GSK3B: variants seen among roughly 807,000 people sequenced by gnomAD.
The protein encoded by GSK3B is glycogen synthase kinase 3 beta.
Under a neutral mutation model 56.4 loss-of-function variants are expected in GSK3B, and 15 were observed. The observed-to-expected ratio is 0.27, with a 90% CI of 0.18 to 0.41. The LOEUF is 0.41. Ranked by LOEUF, GSK3B falls within the 10% of genes least tolerant of loss-of-function variation. The pLI is 1.00. For missense variants in GSK3B, 300 were observed against 513.4 expected (o/e 0.58, Z 4.02); for synonymous variants, 181 against 188.9 (o/e 0.96, Z 0.34).
chr3:119,948,892 G>C (rs1014537349), intron 2 of GSK3B, among the ~76,000 whole-genome samples: 1 of 152,086 alleles, frequency 6.6e-6, no homozygotes, highest in African/African-American at 2.4e-5. Flanking sequence ...AGTAGAGACA[G>C]GGTTTCACCA....
At chr3:120,031,439 C>G (rs550593304) in intron 1 of GSK3B, among the ~76,000 whole-genome samples, 47 of 151,824 alleles carry the variant, frequency 3.1e-4, no homozygotes, top group Non-Finnish European at 4.4e-4. Flanking sequence ...TGGAAAGGCC[C>G]GTGAAAGGCG....
chr3:120,090,646 T>G (rs1335256068), intron 1 of GSK3B, among the ~76,000 whole-genome samples: 3 of 152,122 alleles, frequency 2.0e-5, no homozygotes, highest in Non-Finnish European at 4.4e-5. Flanking sequence ...CACCCCACTT[T>G]CACATTTTAC....
intron 10 of GSK3B, 92 bp downstream of exon 10, chr3:119,843,163 C>T (rs560068213): frequency 3.0e-6 from 2 of 666,182 alleles, no homozygotes; most frequent in African/African-American, 1.8e-5. Context: ...GATCCACCCA[C>T]CTCGGCCTCC....
intron 2 of GSK3B, among the ~76,000 whole-genome samples, 185 bp downstream of exon 2, chr3:120,001,861 A>C (rs774432472): frequency 6.6e-6 from 1 of 152,212 alleles, no homozygotes; most frequent in Non-Finnish European, 1.5e-5. Flanking sequence ...GTAATACTGC[A>C]ATCTTCAGTG....
At chr3:119,879,150 T>C (rs1232994667) in intron 7 of GSK3B, among the ~76,000 whole-genome samples, 1 of 152,148 alleles carries the variant, frequency 6.6e-6, no homozygotes, top group Non-Finnish European at 1.5e-5. Context: ...AAATGTGGTA[T>C]CCATCACCTC....
intron 1 of GSK3B, among the ~76,000 whole-genome samples, chr3:120,038,891 G>A (rs2058043441): frequency 6.6e-6 from 1 of 151,058 alleles, no homozygotes. Context: ...AAGACACTAT[G>A]AAACAGGATG....
intron 1 of GSK3B, among the ~76,000 whole-genome samples, chr3:120,073,219 TAA>T (rs972347264): frequency 1.6e-4 from 11 of 70,610 alleles, no homozygotes; most frequent in East Asian, 4.4e-4. Flanking sequence ...CAAAAAAAAT[TAA>T]AAAAAAAAAA....
intron 9 of GSK3B, among the ~76,000 whole-genome samples, chr3:119,850,430 G>A (rs1323237085): frequency 1.3e-5 from 2 of 152,074 alleles, no homozygotes; most frequent in African/African-American, 4.8e-5. Context: ...CTACTTCAAA[G>A]AGGTTGTTAA....
chr3:119,984,056 TCAAAACTG>T (rs2057489950), intron 2 of GSK3B, among the ~76,000 whole-genome samples: 1 of 152,118 alleles, frequency 6.6e-6, no homozygotes, highest in Non-Finnish European at 1.5e-5. Context: ...AGAAACTCAC[TCAAAACTG>T]CACAACTGCA....
chr3:119,877,825 A>G (rs1050303489), intron 7 of GSK3B, among the ~76,000 whole-genome samples: 30 of 152,228 alleles, frequency 2.0e-4, no homozygotes, highest in African/African-American at 7.0e-4. Context: ...ACCTGGCTGT[A>G]CAAGATGGAT....
chr3:119,937,148 G>T (rs991323693), intron 3 of GSK3B, among the ~76,000 whole-genome samples: 23 of 152,070 alleles, frequency 1.5e-4, no homozygotes, highest in Non-Finnish European at 3.2e-4. Context: ...ATGGTTTAAA[G>T]AAGATAACAG....
chr3:119,979,964 T>C (rs1445830516), intron 2 of GSK3B, among the ~76,000 whole-genome samples: 1 of 152,080 alleles, frequency 6.6e-6, no homozygotes, highest in Non-Finnish European at 1.5e-5. Flanking sequence ...TGAAGGTCAA[T>C]AATCCAATTG....
At chr3:119,863,355 G>T in intron 9 of GSK3B, 64 bp downstream of exon 9, 1 of 1,267,978 alleles carries the variant, frequency 7.9e-7, no homozygotes, top group Non-Finnish European at 1.1e-6. Flanking sequence ...TTAATAGAAT[G>T]TCATTTCACA....
intron 1 of GSK3B, among the ~76,000 whole-genome samples, chr3:120,002,762 C>T (rs974549072): frequency 4.0e-4 from 61 of 152,144 alleles, no homozygotes; most frequent in African/African-American, 1.4e-3. Context: ...ATAGACCAGA[C>T]ACAATGCTTA....
chr3:119,939,330 T>C (rs2057025162), intron 3 of GSK3B, among the ~76,000 whole-genome samples: 1 of 152,118 alleles, frequency 6.6e-6, no homozygotes, highest in Non-Finnish European at 1.5e-5. Context: ...ATATAGATGT[T>C]CAAAGACCTT....
intron 2 of GSK3B, among the ~76,000 whole-genome samples, chr3:119,978,170 A>G (rs2107521622): frequency 6.6e-6 from 1 of 152,244 alleles, no homozygotes; most frequent in East Asian, 1.9e-4. Context: ...TAAACCACAA[A>G]CAACATCACC....
chr3:119,885,320 T>A (rs2056424123), intron 7 of GSK3B, among the ~76,000 whole-genome samples: 1 of 149,416 alleles, frequency 6.7e-6, no homozygotes, highest in Admixed American at 6.7e-5. Flanking sequence ...ACTGAGAAGG[T>A]GAAAGATCTC....
chr3:120,026,095 T>C (rs559737772), intron 1 of GSK3B, among the ~76,000 whole-genome samples: 20 of 152,272 alleles, frequency 1.3e-4, no homozygotes, highest in African/African-American at 3.9e-4. Flanking sequence ...ATTTCAGACA[T>C]TCCTCCTACC....
At chr3:119,936,092 T>C (rs1033172452) in intron 3 of GSK3B, among the ~76,000 whole-genome samples, 1 of 151,852 alleles carries the variant, frequency 6.6e-6, no homozygotes, top group African/African-American at 2.4e-5. Flanking sequence ...CTGATAACAC[T>C]ATATCTATGA....
Sources: allele counts gnomAD v4.1 joint callset (sites outside exome capture counted in the v4.1 genomes callset), GRCh38; gene constraint gnomAD v4.1.1; transcripts MANE v1.5; gene names NCBI Gene and HGNC (gene_info 2026-07-23, HGNC 2026-07-21).